Variants in USH2A observed in about 807,000 individuals in gnomAD.
The protein encoded by USH2A is usherin, also known as Usher syndrome 2A (autosomal recessive, mild).
In USH2A, 443 loss-of-function variants were observed where a neutral mutation model predicts 538.9. That is an observed-to-expected ratio of 0.82 (90% CI 0.76 to 0.89). The LOEUF is 0.89. USH2A is among the 40% of genes least tolerant of loss of function. The pLI is 0.00. For synonymous variants in USH2A, 2,413 were observed against 2,273.5 expected, an observed-to-expected ratio of 1.06 and a Z score of -1.75; for missense variants, 6,633 against 6,324.8, an observed-to-expected ratio of 1.05 and a Z score of -1.65.
chr1:215,861,118 G>A lies in USH2A; in HGVS notation c.8845+5889C>T, dbSNP rs540667698. ...TTCAAGTCAGCCTCCTTAGTTTTCC[G>A]AGCAGCATATCTCCTGTCTTGTCTC... On this transcript the variant is annotated intron_variant, in intron 44 of 71. Coordinates refer to ENST00000307340, the MANE Select transcript of USH2A (RefSeq NM_206933.4). 1.0e-3 allele frequency among the ~76,000 whole-genome samples: 156 copies of A among 152,206 alleles called. 1 individual carries two copies. Among genetic ancestry groups the A allele is most frequent in the African/African-American group, 3.6e-3 (150 of 41,526 alleles).
intron 49 of USH2A, among the ~76,000 whole-genome samples, chr1:215,812,948 A>T (rs372662839): frequency 2.0e-5 from 3 of 152,220 alleles, no homozygotes; most frequent in East Asian, 3.9e-4. Flanking sequence ...CACATCTGTG[A>T]ATCTGGATAT....
chr1:216,005,814 G>A (rs1348214619), intron 32 of USH2A, among the ~76,000 whole-genome samples: 1 of 152,080 alleles, frequency 6.6e-6, no homozygotes, highest in East Asian at 1.9e-4. Context: ...GGAGATAGTG[G>A]TAAACCAAAT....
rs149813747 is a variant in USH2A, at chr1:215,709,484, C to T, written c.12066+18546G>A. ...CCTATTATTAAGAAGAAAAACAGAG[C>T]AAAATCTTTTTCCTCTTTGAAAATG... On this transcript the variant is annotated intron_variant, in intron 61 of 71. Transcript: ENST00000307340. 2.1e-3 allele frequency among the ~76,000 whole-genome samples: 320 copies of T among 151,000 alleles called. 4 individuals are homozygous for T. Among genetic ancestry groups the T allele is most frequent in the African/African-American group, 7.4e-3 (305 of 41,028 alleles).
At chr1:215,981,923 A>G (rs777002924) in intron 35 of USH2A, among the ~76,000 whole-genome samples, 37 of 152,238 alleles carry the variant, frequency 2.4e-4, no homozygotes, top group Non-Finnish European at 5.0e-4. Context: ...GAATTAGAGA[A>G]AAAAAGCAAG....
intron 3 of USH2A, among the ~76,000 whole-genome samples, chr1:216,405,906 TAAA>T (rs962939214): frequency 6.6e-5 from 10 of 152,052 alleles, no homozygotes; most frequent in African/African-American, 2.4e-4. Context: ...TTATGTTGAG[TAAA>T]AAAGAAAGAA....
At chr1:215,989,383 G>A (rs1235845491) in intron 35 of USH2A, among the ~76,000 whole-genome samples, 1 of 152,108 alleles carries the variant, frequency 6.6e-6, no homozygotes, top group Non-Finnish European at 1.5e-5. Context: ...ACTAGGAGCT[G>A]CTTCTCTGTG....
At chr1:216,290,320 A>T (rs1021917063) in intron 10 of USH2A, among the ~76,000 whole-genome samples, 3 of 152,294 alleles carry the variant, frequency 2.0e-5, no homozygotes, top group Admixed American at 2.0e-4. Flanking sequence ...TAAAAATTAA[A>T]TTGATTTATA....
At chr1:216,231,229 A>C (rs2035671083) in intron 14 of USH2A, among the ~76,000 whole-genome samples, 1 of 90,274 alleles carries the variant, frequency 1.1e-5, no homozygotes, top group Non-Finnish European at 2.1e-5. Context: ...ACATACATAT[A>C]TCCCATATAT....
intron 14 of USH2A, among the ~76,000 whole-genome samples, chr1:216,220,240 G>T (rs1013882740): frequency 3.0e-4 from 46 of 151,748 alleles, no homozygotes; most frequent in African/African-American, 1.1e-3. Flanking sequence ...TCTCTATGGG[G>T]CCTCAGCTCA....
Position 215,905,579 on chromosome 1 carries a change from G to T in USH2A, c.7301-4674C>A, listed in dbSNP as rs1014131515. 3.9e-5 allele frequency among the ~76,000 whole-genome samples: 6 copies of T among 152,122 alleles called. No individual in the cohort carries two copies. In the East Asian group the frequency reaches 7.8e-4, roughly 20 times the overall value. ...AGCACAAAAGAGGTATAAATGCTAC[G>T]GGGGACTCGGAAGTTAGAAACTCAC... is the stretch of plus-strand genomic sequence containing the variant. On this transcript the variant is annotated intron_variant, in intron 38 of 71. Transcript: ENST00000307340.
At chr1:215,952,878 G>A (rs1243607521) in intron 37 of USH2A, among the ~76,000 whole-genome samples, 3 of 152,084 alleles carry the variant, frequency 2.0e-5, no homozygotes, top group Non-Finnish European at 4.4e-5. Context: ...TCTTCTCGAG[G>A]AGTATCTTTG....
rs376193847 is a variant in USH2A at position 216,198,490 on chromosome 1, C to G, written c.3906G>C (p.Trp1302Cys). The change falls in exon 18 of 72, where the codon TGG (tryptophan) becomes TGC (cysteine). Residue 1302 changes from tryptophan to cysteine, a missense_variant. By Grantham distance (215) the Trp-to-Cys change is radical. Transcript: ENST00000307340. ...ATTCTACAAATGAATGAGGACTGAG[C>G]CAACCACTGCTCTGAAAAACTCGAC... ...EESRVFQSSG[W>C]LSPHSFVESA... 2.5e-6 allele frequency: 4 copies of G among 1,613,984 alleles called. No individual in the cohort carries two copies. In the African/African-American group the frequency reaches 5.3e-5, roughly 22 times the overall value.
At chr1:216,118,320 T>C (rs1175087622) in intron 21 of USH2A, among the ~76,000 whole-genome samples, 1 of 152,122 alleles carries the variant, frequency 6.6e-6, no homozygotes, top group Non-Finnish European at 1.5e-5. Context: ...TTAGCACTAT[T>C]TTTACCCATT....
chr1:216,076,482 G>T (rs777880231), intron 27 of USH2A, among the ~76,000 whole-genome samples: 35 of 151,992 alleles, frequency 2.3e-4, no homozygotes, highest in Non-Finnish European at 4.6e-4. Context: ...GTAATTCAAA[G>T]AACAAGGCTG....
intron 3 of USH2A, among the ~76,000 whole-genome samples, chr1:216,381,752 G>A (rs952360671): frequency 6.6e-6 from 1 of 151,862 alleles, no homozygotes. Context: ...CTACATATTC[G>A]ATCAACTAAT....
intron 3 of USH2A, among the ~76,000 whole-genome samples, chr1:216,393,209 T>C (rs1281854074): frequency 2.6e-5 from 4 of 152,194 alleles, no homozygotes; most frequent in Non-Finnish European, 5.9e-5. Flanking sequence ...TATGCACTTA[T>C]TCGAGTGTGC....
chr1:216,316,772 C>A (rs1232615602), intron 9 of USH2A, among the ~76,000 whole-genome samples: 1 of 152,058 alleles, frequency 6.6e-6, no homozygotes. Context: ...CGTTTGTTGG[C>A]CACACATATG....
intron 30 of USH2A, among the ~76,000 whole-genome samples, chr1:216,065,618 TG>T: frequency 6.6e-6 from 1 of 152,320 alleles, no homozygotes; most frequent in South Asian, 2.1e-4. Context: ...GCAATGCAGC[TG>T]GGTGCAGTGG....
chr1:216,302,387 G>T (rs1339590959), intron 9 of USH2A, among the ~76,000 whole-genome samples: 1 of 152,124 alleles, frequency 6.6e-6, no homozygotes, highest in Non-Finnish European at 1.5e-5. Flanking sequence ...TTTACCTACA[G>T]ATTATGTAAT....
Sources: allele counts gnomAD v4.1 joint callset (sites outside exome capture counted in the v4.1 genomes callset), GRCh38; gene constraint gnomAD v4.1.1; transcripts MANE v1.5; gene names NCBI Gene and HGNC (gene_info 2026-07-23, HGNC 2026-07-21).